The following UNC79 variants were observed in gnomAD, a reference collection of about 807,000 sequenced individuals.
The protein encoded by UNC79 is protein unc-79 homolog.
Under a neutral mutation model 283.1 loss-of-function variants are expected in UNC79, and 37 were observed. The observed-to-expected ratio is 0.13, with a 90% CI of 0.10 to 0.17. The LOEUF is 0.17. UNC79 is among the 10% of genes least tolerant of loss of function. The pLI is 1.00. For missense variants in UNC79, 2,272 were observed against 3,211.1 expected, an observed-to-expected ratio of 0.71 and a Z score of 7.07; for synonymous variants, 1,107 against 1,200.2, an observed-to-expected ratio of 0.92 and a Z score of 1.61.
intron 41 of UNC79, among the ~76,000 whole-genome samples, chr14:93,674,807 G>T (rs565411666): frequency 2.6e-5 from 4 of 152,260 alleles, no homozygotes; most frequent in East Asian, 1.9e-4. Context: ...TGCATGGGGG[G>T]GTTCAGTGGC....
chr14:93,686,957 A>T (rs2074286998), intron 43 of UNC79, among the ~76,000 whole-genome samples: 1 of 152,184 alleles, frequency 6.6e-6, no homozygotes, highest in Non-Finnish European at 1.5e-5. Context: ...GGAGAAACTG[A>T]GGCTTGGGGT....
intron 44 of UNC79, chr14:93,689,767 G>A (rs1001620975): frequency 4.8e-6 from 1 of 206,918 alleles, no homozygotes; most frequent in Non-Finnish European, 9.7e-6. Flanking sequence ...GGGATTACAG[G>A]CGTGAGCCAC....
In UNC79 at chr14:93,688,471, C is replaced by T. The variant is rs1282555046; in HGVS notation, c.6910-194C>T. 7.9e-5 allele frequency among the ~76,000 whole-genome samples: 12 copies of T among 152,110 alleles called. No homozygotes were observed. The highest frequency in any genetic ancestry group is 7.9e-4 in the Admixed American group (12 of 15,278). ...GTAAGTTCTCAGTGGCTGGATCTTT[C>T]TGGCTTTGTAGGCTAGGGAACTTTC... is the stretch of plus-strand genomic sequence containing the variant. On this transcript the variant is annotated intron_variant, in intron 43 of 48. Transcript: ENST00000555664. This position sits in a 1 kb window ranked among gnomAD's most constrained non-coding sequence, Gnocchi z 4.0.
intron 14 of UNC79, among the ~76,000 whole-genome samples, chr14:93,544,480 C>T (rs2061511244): frequency 6.6e-6 from 1 of 152,186 alleles, no homozygotes; most frequent in Admixed American, 6.5e-5. Context: ...GCTAGAGTCA[C>T]ATAACGGAAG....
At chr14:93,657,766 A>G (rs2071112891) in intron 38 of UNC79, among the ~76,000 whole-genome samples, 1 of 152,276 alleles carries the variant, frequency 6.6e-6, no homozygotes, top group African/African-American at 2.4e-5. Flanking sequence ...CTAATTTGTG[A>G]CAATCAACCT....
chr14:93,344,274 A>G (rs941203278), intron 1 of UNC79, among the ~76,000 whole-genome samples: 4 of 152,224 alleles, frequency 2.6e-5, no homozygotes, highest in African/African-American at 9.6e-5. Flanking sequence ...GTATTACCCA[A>G]AGAAAAAAGT....
At chr14:93,340,223 G>A (rs573039119) in intron 1 of UNC79, among the ~76,000 whole-genome samples, 5 of 152,202 alleles carry the variant, frequency 3.3e-5, no homozygotes, top group East Asian at 1.9e-4. Context: ...TGGGCGGATC[G>A]CGAGGTCAGG....
At chr14:93,593,543 G>A (rs1257963412) in intron 22 of UNC79, 137 bp from the exon 23 acceptor site, 11 of 949,438 alleles carry the variant, frequency 1.2e-5, no homozygotes, top group African/African-American at 3.3e-5. Flanking sequence ...TTATCCTCTC[G>A]TGGATGAGTG....
intron 39 of UNC79, 58 bp from the exon 43 acceptor site, chr14:93,662,546 C>CT: frequency 7.5e-6 from 9 of 1,199,606 alleles, no homozygotes; most frequent in South Asian, 3.0e-5. Flanking sequence ...GATTTTAATA[C>CT]TTTTTTTGAA....
chr14:93,700,003 G>A (rs186076489), intron 47 of UNC79, among the ~76,000 whole-genome samples: 93 of 150,890 alleles, frequency 6.2e-4, no homozygotes, highest in African/African-American at 2.2e-3. Context: ...TGTTTTAGAA[G>A]CTTTATTTTG....
intron 33 of UNC79, 44 bp from the exon 37 acceptor site, chr14:93,643,513 T>C (rs763153506): frequency 3.1e-6 from 5 of 1,613,178 alleles, no homozygotes; most frequent in Admixed American, 3.3e-5. Context: ...CTTGAGACCA[T>C]GGTTCTTTCT....
At chr14:93,445,749 T>G (rs962204143) in intron 1 of UNC79, among the ~76,000 whole-genome samples, 3 of 152,286 alleles carry the variant, frequency 2.0e-5, no homozygotes, top group Admixed American at 1.3e-4. Flanking sequence ...GTTCTTTTTT[T>G]GGGGGAAGGT....
chr14:93,352,936 A>G (rs2054007116), intron 1 of UNC79, among the ~76,000 whole-genome samples: 1 of 152,240 alleles, frequency 6.6e-6, no homozygotes, highest in African/African-American at 2.4e-5. Flanking sequence ...GCTGTTTTAA[A>G]TGGAACCTAT....
At chr14:93,673,101 G>T (rs2073030721) in intron 40 of UNC79, among the ~76,000 whole-genome samples, 1 of 152,180 alleles carries the variant, frequency 6.6e-6, no homozygotes, top group South Asian at 2.1e-4. Flanking sequence ...TGGGGCATCA[G>T]TGTTTAAGAG....
chr14:93,403,906 C>A, intron 1 of UNC79, among the ~76,000 whole-genome samples: 1 of 149,094 alleles, frequency 6.7e-6, no homozygotes. Flanking sequence ...GTGAGCTAGA[C>A]TCTTATATCC....
intron 7 of UNC79, among the ~76,000 whole-genome samples, chr14:93,515,264 A>ATGTG (rs3060596): frequency 0.16 from 24,213 of 149,622 alleles, 1,987 homozygotes; most frequent in East Asian, 0.28. Flanking sequence ...CCATATGTAT[A>ATGTG]TGTGTGTGTG....
At position 93,388,443 on chromosome 14, in the gene UNC79, G is replaced by T. The variant is rs545156305; in HGVS notation, c.-351+54920G>T. ...TGGTATATATATGTTTTTGGCACTG[G>T]TGCTTTTATTTGTAAAGAATAAATT... On this transcript the variant is annotated intron_variant, in intron 1 of 49. Transcript: ENST00000256339. Among the ~76,000 whole-genome samples the T allele has an allele frequency of 2.6e-5, 4 of 152,020 alleles. No individual in the cohort carries two copies. In the South Asian group the frequency reaches 8.3e-4, roughly 32 times the overall value.
chr14:93,663,301 G>T (rs760088572), intron 40 of UNC79, among the ~76,000 whole-genome samples: 2 of 152,182 alleles, frequency 1.3e-5, no homozygotes, highest in Non-Finnish European at 2.9e-5. Flanking sequence ...AGTACTGCTG[G>T]CCCAGTGGCA....
intron 14 of UNC79, among the ~76,000 whole-genome samples, chr14:93,564,079 G>T (rs950551658): frequency 2.0e-5 from 3 of 152,170 alleles, no homozygotes; most frequent in Admixed American, 6.5e-5. Context: ...AGGCTACAGG[G>T]TGCATTCCCA....
Sources: gnomAD v4.1 joint callset for allele counts (sites outside exome capture counted in the v4.1 genomes callset) on GRCh38, gnomAD v4.1.1 for gene constraint, Gnocchi (gnomAD v3.1) non-coding constraint, MANE v1.5 for transcripts, NCBI Gene and HGNC (gene_info 2026-07-23, HGNC 2026-07-21) for gene names.